The following EXPH5 variants were observed in gnomAD, a reference collection of about 807,000 sequenced individuals.
The protein encoded by EXPH5 is exophilin 5, also known as exophilin-5.
A neutral mutation model predicts 41.1 loss-of-function variants in EXPH5; 42 were observed. The observed-to-expected ratio is 1.02, with a 90% confidence interval of 0.80 to 1.32. The LOEUF (loss-of-function observed/expected upper bound fraction) is 1.32, where lower values mean the gene tolerates loss of function less well. Ranked by LOEUF, EXPH5 falls within the 40% of genes most tolerant of loss-of-function variation. The probability of loss-of-function intolerance (pLI) is 0.00; values close to 1 mark genes in which losing one functional copy is unlikely to be tolerated. For missense variants in EXPH5, 2,298 were observed against 2,314.5 expected (o/e 0.99, Z 0.15); for synonymous variants, 798 against 833.5 (o/e 0.96, Z 0.73).
chr11:108,525,445 C>A (rs2093792370), intron 4 of EXPH5, among the ~76,000 whole-genome samples: 1 of 152,084 alleles, frequency 6.6e-6, no homozygotes, highest in Non-Finnish European at 1.5e-5. Flanking sequence ...ACGCAGGAGT[C>A]CAAAATGTCA....
chr11:108,558,884 T>A (rs761626531), intron 1 of EXPH5, among the ~76,000 whole-genome samples: 2 of 152,112 alleles, frequency 1.3e-5, no homozygotes, highest in Non-Finnish European at 1.5e-5. Context: ...ACTACAGGAA[T>A]CCAGTGAAGT....
intron 2 of EXPH5, among the ~76,000 whole-genome samples, chr11:108,540,655 G>C (rs887087215): frequency 6.6e-6 from 1 of 152,052 alleles, no homozygotes; most frequent in African/African-American, 2.4e-5. Flanking sequence ...GTGCACTTTG[G>C]TTATCTTCTC....
chr11:108,511,841 A>G lies in EXPH5; in HGVS notation c.3666T>C (p.Arg1222=). ...PFCSDLSGKE[R]GKTLHKVKTT... is the part of the protein sequence containing the mutation. The stretch of plus-strand genomic sequence containing the variant: ...TCTTAACTTTATGTAATGTTTTCCC[A>G]CGTTCTTTTCCTGACAAGTCTGAGC... Residue 1222 remains arginine (R), a synonymous_variant, in exon 6 of 6, where the codon CGT becomes CGC. Transcript: ENST00000265843. The G allele has an allele frequency of 6.3e-7, 1 of 1,592,996 alleles. No homozygotes were observed. Among genetic ancestry groups the G allele is most frequent in the African/African-American group, 1.4e-5 (1 of 73,650 alleles).
Position 108,510,398 on chromosome 11 carries a change from A to G in EXPH5, c.5109T>C (p.Phe1703=). The G allele has an allele frequency of 6.2e-7, 1 of 1,613,958 alleles. No individual in the cohort carries two copies. Among genetic ancestry groups the G allele is most frequent in the Non-Finnish European group, 8.5e-7 (1 of 1,180,004 alleles). ...NSISQRHQNE[F]KNVSESPSKH... Reference sequence around the variant, plus strand: ...TTGATGGTGATTCTGAGACGTTTTTAAACTCATTCTGATGTCGTTGTGAAA... The same window carrying G: ...TTGATGGTGATTCTGAGACGTTTTTGAACTCATTCTGATGTCGTTGTGAAA... The change falls in exon 6 of 6, where the codon TTT becomes TTC. Residue 1703 remains phenylalanine, a synonymous_variant. Coordinates refer to ENST00000265843, the MANE Select transcript of EXPH5 (RefSeq NM_015065.3).
At position 108,509,547 on chromosome 11, in the gene EXPH5, G is replaced by T; in HGVS notation, c.5960C>A (p.Ser1987Ter). The T allele has an allele frequency of 6.4e-7, 1 of 1,552,396 alleles. No homozygotes were observed. The highest frequency in any genetic ancestry group is 1.3e-5 in the South Asian group (1 of 78,676). Residue 1987 changes from serine to a stop codon, truncating the protein, a stop_gained, in exon 6 of 6, where the codon TCA becomes TAA. Transcript: ENST00000265843. LOFTEE classifies it high-confidence loss of function. ...TTTATTGAAAAAGCCTCACAGTTCT[G>T]ACTCTTTGTCATTTTCATCCAGGTA... ...EYYLDENDKE[S>*]EL
chr11:108,559,282 G>A lies in EXPH5; in HGVS notation c.120-17470C>T, dbSNP rs1033327726. On this transcript the variant is annotated intron_variant, in intron 1 of 5. Coordinates refer to ENST00000265843, the MANE Select transcript of EXPH5 (RefSeq NM_015065.3). ...TGAAAAACTAGATTTTAGCTTTTGC[G>A]TCCCTCTTATTCCCCTTTATACAGA... 3.3e-5 allele frequency among the ~76,000 whole-genome samples: 5 copies of A among 152,312 alleles called. No individual in the cohort carries two copies. The South Asian group carries it at 6.2e-4, about 19-fold the overall frequency.
intron 1 of EXPH5, among the ~76,000 whole-genome samples, chr11:108,582,759 G>T (rs371762058): frequency 1.3e-5 from 2 of 152,136 alleles, no homozygotes; most frequent in Non-Finnish European, 2.9e-5. Context: ...ACTAAGGAAG[G>T]GTCTGTTCCA....
the EXPH5 span, among the ~76,000 whole-genome samples, chr11:108,601,053 T>C: frequency 6.6e-6 from 1 of 152,172 alleles, no homozygotes; most frequent in Non-Finnish European, 1.5e-5. Flanking sequence ...TTCCTGCAGG[T>C]AATAGAATAT....
rs567705942 is a variant in EXPH5 at position 108,507,677 on chromosome 11, T to C, written c.*1860A>G. On this transcript the variant is annotated 3_prime_UTR_variant, in exon 6 of 6. Coordinates refer to ENST00000265843, the MANE Select transcript of EXPH5 (RefSeq NM_015065.3). Reference sequence around the variant, plus strand: ...TTACTCTAGATAAATCACTGAATCATAGTGACAAGCCCTTAGGAGCTCTGC... The same window carrying C: ...TTACTCTAGATAAATCACTGAATCACAGTGACAAGCCCTTAGGAGCTCTGC... The C allele has an allele frequency of 2.0e-5, 3 of 152,232 alleles. No homozygotes were observed. Among genetic ancestry groups the C allele is most frequent in the South Asian group, 4.1e-4 (2 of 4,824 alleles). The allele number at this position is 152,232 out of a possible 1,614,324, so 9.4% of individuals were successfully genotyped here.
intron 5 of EXPH5, among the ~76,000 whole-genome samples, chr11:108,517,496 G>A (rs1008180415): frequency 2.0e-5 from 3 of 152,234 alleles, no homozygotes; most frequent in African/African-American, 7.2e-5. Flanking sequence ...TGAAGCTGGT[G>A]GCGACTTCAG....
upstream of EXPH5, among the ~76,000 whole-genome samples, chr11:108,595,920 G>T (rs907130323): frequency 1.3e-5 from 2 of 152,140 alleles, no homozygotes; most frequent in Admixed American, 6.5e-5. Flanking sequence ...TTGAACTTAA[G>T]GCCGGGCACA....
Position 108,548,743 on chromosome 11 carries a change from T to A in EXPH5, c.120-6931A>T, listed in dbSNP as rs533059202. Among the ~76,000 whole-genome samples, 44 of 152,312 alleles carry A rather than the reference T, an allele frequency of 2.9e-4. 1 individual carries two copies. The South Asian group carries it at 8.7e-3, about 30-fold the overall frequency. On this transcript the variant is annotated intron_variant, in intron 1 of 5. Transcript: ENST00000265843. ...CACCCAAGAGCCCTATGAAGTATAG[T>A]TTGTACATTGACAATGGTTAACTGA...
the EXPH5 span, among the ~76,000 whole-genome samples, chr11:108,607,301 G>A: frequency 2.0e-5 from 3 of 152,104 alleles, no homozygotes; most frequent in East Asian, 5.8e-4. Context: ...ACTGACTTAG[G>A]CCTATGTTTA....
chr11:108,573,179 A>AGAAG (rs2094067921), intron 1 of EXPH5, among the ~76,000 whole-genome samples: 1 of 145,362 alleles, frequency 6.9e-6, no homozygotes, highest in Non-Finnish European at 1.5e-5. Flanking sequence ...AAAGAAAGAA[A>AGAAG]GAAAGAAAGA....
At chr11:108,526,413 A>T (rs2093799527) in intron 4 of EXPH5, among the ~76,000 whole-genome samples, 2 of 152,138 alleles carry the variant, frequency 1.3e-5, no homozygotes, top group African/African-American at 4.8e-5. Flanking sequence ...AATCCCCAAA[A>T]CTTCAAATTA....
the EXPH5 span, among the ~76,000 whole-genome samples, chr11:108,607,142 G>A: frequency 2.6e-5 from 4 of 152,160 alleles, no homozygotes; most frequent in Middle Eastern, 3.2e-3. Context: ...GCTAACATAT[G>A]TTAGGAAAAG....
At chr11:108,518,133 G>A (rs968535544) in intron 5 of EXPH5, 102 bp downstream of exon 5, 3 of 1,047,984 alleles carry the variant, frequency 2.9e-6, no homozygotes, top group African/African-American at 3.2e-5. Flanking sequence ...AAAAAATAAA[G>A]TACAGTGTTT....
chr11:108,605,592 G>A, the EXPH5 span, among the ~76,000 whole-genome samples: 3 of 152,110 alleles, frequency 2.0e-5, no homozygotes, highest in African/African-American at 7.2e-5. Context: ...AGAATTATGT[G>A]GTCCAAAATG....
At chr11:108,582,181 A>G (rs2094100382) in intron 1 of EXPH5, among the ~76,000 whole-genome samples, 2 of 152,148 alleles carry the variant, frequency 1.3e-5, no homozygotes, top group South Asian at 2.1e-4. Flanking sequence ...AATAGTATAC[A>G]GGCTGGGCGT....
Sources: allele counts gnomAD v4.1 joint callset (sites outside exome capture counted in the v4.1 genomes callset), GRCh38; gene constraint gnomAD v4.1.1; transcripts MANE v1.5; gene names NCBI Gene and HGNC (gene_info 2026-07-23, HGNC 2026-07-21).